EFHC2: variants seen among roughly 807,000 people sequenced by gnomAD.
The protein encoded by EFHC2 is EF-hand domain-containing family member C2.
EFHC2 carries 18 observed loss-of-function variants against 52.7 expected under a neutral mutation model. That is an observed-to-expected ratio of 0.34 (90% CI 0.24 to 0.51). The LOEUF (loss-of-function observed/expected upper bound fraction) is 0.51. Ranked by LOEUF, EFHC2 falls within the 20% of genes least tolerant of loss-of-function variation. EFHC2 has a pLI of 0.97. For missense variants in EFHC2, 513 were observed against 562.5 expected (o/e 0.91, Z 0.89); for synonymous variants, 203 against 204.1 (o/e 0.99, Z 0.04).
At position 44,227,805 on chromosome X, in the gene EFHC2, G is replaced by A. The variant is rs574078260; in HGVS notation, c.1751+1844C>T. 3.5e-4 allele frequency among the ~76,000 whole-genome samples: 39 copies of A among 111,871 alleles called. No individual in the cohort carries two copies. In the South Asian group the frequency reaches 0.013, roughly 37 times the overall value. On this transcript the variant is annotated intron_variant, in intron 11 of 14. Transcript: ENST00000420999. ...TAGGATCTAGAAAGCCCCTCTGAAT[G>A]AAAGCCCCTCTGGGAGTTGGCATTT...
At chrX:44,264,709 A>C (rs2037564170) in intron 3 of EFHC2, among the ~76,000 whole-genome samples, 1 of 112,359 alleles carries the variant, frequency 8.9e-6, no homozygotes, top group East Asian at 2.8e-4. Flanking sequence ...TCAATAACAT[A>C]TTCATAGGAT....
rs1434813009 is a variant in EFHC2 at position 44,148,826 on chromosome X, A to T, written c.2219T>A (p.Leu740Ter). 8.4e-7 allele frequency: 1 copy of T among 1,186,955 alleles called. No homozygotes were observed. Among genetic ancestry groups the T allele is most frequent in the Non-Finnish European group, 1.1e-6 (1 of 882,247 alleles). Reference sequence around the variant, plus strand: ...CTCCTCTAAGCCAAACGCGTCCTTCAAAAAGGTCCAGTAGTCAATGTATTT... The same window carrying T: ...CTCCTCTAAGCCAAACGCGTCCTTCTAAAAGGTCCAGTAGTCAATGTATTT... Reference protein sequence around the residue: ...PAKYIDYWTFLKDAFGLEEE With the variant: ...PAKYIDYWTF The change falls in exon 15 of 15, where the codon TTG becomes TAG. Residue 740 changes from leucine (L) to a stop codon, truncating the protein, a stop_gained. Transcript: ENST00000420999. LOFTEE classifies it high-confidence loss of function.
intron 14 of EFHC2, among the ~76,000 whole-genome samples, chrX:44,152,821 T>C (rs1290537837): frequency 3.6e-5 from 4 of 111,506 alleles, no homozygotes; most frequent in African/African-American, 9.8e-5. Context: ...ATTTAACATG[T>C]CCTCAAAAAT....
intron 11 of EFHC2, among the ~76,000 whole-genome samples, chrX:44,203,017 G>A (rs2037018814): frequency 1.8e-5 from 2 of 111,458 alleles, no homozygotes; most frequent in Admixed American, 9.5e-5. Context: ...AGGGCCCCAT[G>A]AGCATGCACT....
At chrX:44,216,881 G>A (rs925230103) in intron 11 of EFHC2, among the ~76,000 whole-genome samples, 5 of 111,136 alleles carry the variant, frequency 4.5e-5, no homozygotes, top group African/African-American at 1.6e-4. Context: ...ATCACATCAA[G>A]TTAAAAAGCT....
At chrX:44,178,662 AC>A in intron 11 of EFHC2, 98 bp from the exon 12 acceptor site, 1 of 700,648 alleles carries the variant, frequency 1.4e-6, no homozygotes, top group Non-Finnish European at 2.0e-6. Flanking sequence ...ATTTTACAAA[AC>A]TTTTACCAAC....
rs753126646 is a variant in EFHC2, at chrX:44,312,589, T to C, written c.210A>G (p.Ser70=). 6 of 1,202,668 alleles carry C rather than the reference T, an allele frequency of 5.0e-6. No homozygotes were observed. Among genetic ancestry groups the C allele is most frequent in the Non-Finnish European group, 6.7e-6 (6 of 892,080 alleles). Reference sequence around the variant, plus strand: ...TTACCTGTTTATCAAAGGCTACCCATGATGGTACATCACTTCCATCTCCTT... The same window carrying C: ...TTACCTGTTTATCAAAGGCTACCCACGATGGTACATCACTTCCATCTCCTT... ...YPKGDGSDVP[S]WVAFDKQVLS... is the part of the protein sequence containing the mutation. Residue 70 remains serine (S), a synonymous_variant, in exon 2 of 15, where the codon TCA becomes TCG. Coordinates refer to ENST00000420999, the MANE Select transcript of EFHC2 (RefSeq NM_025184.4).
intron 2 of EFHC2, among the ~76,000 whole-genome samples, chrX:44,303,863 A>C (rs2037885345): frequency 9.0e-6 from 1 of 111,609 alleles, no homozygotes. Context: ...AAAAAAAAGA[A>C]ATAATATTTT....
intron 11 of EFHC2, among the ~76,000 whole-genome samples, chrX:44,195,309 G>A (rs1286091504): frequency 8.9e-6 from 1 of 111,778 alleles, no homozygotes; most frequent in South Asian, 3.7e-4. Flanking sequence ...CTCCTTGAAG[G>A]AGAATGACAG....
chrX:44,263,664 T>C (rs1602184796), intron 3 of EFHC2, among the ~76,000 whole-genome samples: 1 of 112,220 alleles, frequency 8.9e-6, no homozygotes, highest in African/African-American at 3.2e-5. Context: ...AGATTAGACA[T>C]TTAGAACAAA....
chrX:44,314,793 G>A (rs1283108036), intron 1 of EFHC2, among the ~76,000 whole-genome samples: 2 of 111,656 alleles, frequency 1.8e-5, no homozygotes, highest in Admixed American at 9.5e-5. Flanking sequence ...TAATCACAAA[G>A]TCACCTCGAA....
At chrX:44,213,424 A>G (rs1446978954) in intron 11 of EFHC2, among the ~76,000 whole-genome samples, 1 of 111,900 alleles carries the variant, frequency 8.9e-6, no homozygotes, top group Non-Finnish European at 1.9e-5. Context: ...ACATATGCCC[A>G]AGATGGTTGA....
intron 2 of EFHC2, among the ~76,000 whole-genome samples, chrX:44,310,927 C>T (rs894880484): frequency 2.7e-5 from 3 of 112,014 alleles, no homozygotes; most frequent in African/African-American, 9.7e-5. Context: ...AATGACTTTT[C>T]GACTTGAAAT....
intron 2 of EFHC2, among the ~76,000 whole-genome samples, chrX:44,287,184 G>A (rs1408680734): frequency 9.1e-6 from 1 of 110,081 alleles, no homozygotes; most frequent in Non-Finnish European, 1.9e-5. Flanking sequence ...GTGAAACCTC[G>A]TTTCTAAAAA....
chrX:44,261,416 G>A (rs1385939352), intron 3 of EFHC2, 118 bp from the exon 4 acceptor site: 32 of 588,824 alleles, frequency 5.4e-5, no homozygotes, highest in Non-Finnish European at 7.9e-5. Context: ...CAAAGGACTC[G>A]TTCTAGGAAG....
At position 44,148,410 on chromosome X, in the gene EFHC2, T is replaced by C. The variant is rs1362867293; in HGVS notation, c.*385A>G. On this transcript the variant is annotated 3_prime_UTR_variant, in exon 15 of 15. Transcript: ENST00000420999. ...TCAAAAAGGTTTCAAAAATGTTTAA[T>C]AGAATCACAACTTATTGCTGTGATA... 2.4e-5 allele frequency: 3 copies of C among 125,492 alleles called. No individual in the cohort carries two copies. Among genetic ancestry groups the C allele is most frequent in the Non-Finnish European group, 4.8e-5 (3 of 63,144 alleles). 10.3% of individuals were successfully genotyped at this position (125,492 alleles called of 1,213,427 possible).
At chrX:44,151,776 A>G (rs1338591875) in intron 14 of EFHC2, among the ~76,000 whole-genome samples, 1 of 112,080 alleles carries the variant, frequency 8.9e-6, no homozygotes, top group Non-Finnish European at 1.9e-5. Context: ...AAGCAGGAAA[A>G]GTTGAAAAAC....
intron 10 of EFHC2, among the ~76,000 whole-genome samples, 186 bp downstream of exon 10, chrX:44,232,295 G>A (rs1238625165): frequency 8.9e-6 from 1 of 112,287 alleles, no homozygotes; most frequent in Non-Finnish European, 1.9e-5. Flanking sequence ...AAACAGAGTA[G>A]ACAAGAACCT....
intron 11 of EFHC2, among the ~76,000 whole-genome samples, chrX:44,211,379 T>C (rs905299001): frequency 9.2e-6 from 1 of 109,244 alleles, no homozygotes; most frequent in Non-Finnish European, 1.9e-5. Flanking sequence ...AATACAAAAA[T>C]TAGCCAGGCG....
Sources: allele counts gnomAD v4.1 joint callset (sites outside exome capture counted in the v4.1 genomes callset), GRCh38; gene constraint gnomAD v4.1.1; transcripts MANE v1.5; gene names NCBI Gene and HGNC (gene_info 2026-07-23, HGNC 2026-07-21).